TLN2: variants seen among roughly 807,000 people sequenced by gnomAD.
The protein encoded by TLN2 is talin 2.
In TLN2, 118 loss-of-function variants were observed where a neutral mutation model predicts 294.7. That is an observed-to-expected ratio of 0.40 (90% CI 0.34 to 0.47). The LOEUF is 0.47. Ranked by LOEUF, TLN2 falls within the 20% of genes least tolerant of loss-of-function variation. The probability of loss-of-function intolerance (pLI) is 0.84; values close to 1 mark genes in which losing one functional copy is unlikely to be tolerated. For missense variants in TLN2, 3,083 were observed against 3,282.2 expected, an observed-to-expected ratio of 0.94 and a Z score of 1.48; for synonymous variants, 1,431 against 1,304.5, an observed-to-expected ratio of 1.10 and a Z score of -2.09.
chr15:62,712,981 T>TA (rs200000332), intron 22 of TLN2, among the ~76,000 whole-genome samples: 6,386 of 152,136 alleles, frequency 0.042, 430 homozygotes, highest in African/African-American at 0.14. Flanking sequence ...ATAAGATTCA[T>TA]TAAGGCCAGG....
intron 1 of TLN2, among the ~76,000 whole-genome samples, chr15:62,481,097 G>A (rs1370328963): frequency 6.6e-6 from 1 of 152,166 alleles, no homozygotes; most frequent in African/African-American, 2.4e-5. Context: ...AGTCCATAGA[G>A]ACGTCTAATC....
intron 1 of TLN2, among the ~76,000 whole-genome samples, chr15:62,459,447 A>G (rs750193497): frequency 6.6e-6 from 1 of 152,110 alleles, no homozygotes; most frequent in Non-Finnish European, 1.5e-5. Context: ...CGATACCTGT[A>G]TACTATTCCT....
chr15:62,677,805 A>ATTTTTTTTTTTTTT (rs1555466874), intron 11 of TLN2, among the ~76,000 whole-genome samples: 2 of 11,144 alleles, frequency 1.8e-4, no homozygotes, highest in Non-Finnish European at 7.9e-4. Flanking sequence ...AGCACTTGCA[A>ATTTTTTTTTTTTTT]CTTTTTTTTT....
At chr15:62,685,284 G>A (rs2057184803) in intron 11 of TLN2, among the ~76,000 whole-genome samples, 1 of 151,882 alleles carries the variant, frequency 6.6e-6, no homozygotes, top group African/African-American at 2.4e-5. Flanking sequence ...ATAATGTAGG[G>A]TAATCTGTTA....
At chr15:62,581,556 T>A (rs985338675) in intron 1 of TLN2, among the ~76,000 whole-genome samples, 1 of 152,306 alleles carries the variant, frequency 6.6e-6, no homozygotes, top group Admixed American at 6.5e-5. Context: ...TTTGTGCTCT[T>A]AGGGTTCAGG....
At chr15:62,413,894 A>G (rs1279414938) in intron 1 of TLN2, among the ~76,000 whole-genome samples, 1 of 142,920 alleles carries the variant, frequency 7.0e-6, no homozygotes, top group Non-Finnish European at 1.5e-5. Flanking sequence ...GTGTATGCCT[A>G]TTTTATTTTT....
intron 3 of TLN2, among the ~76,000 whole-genome samples, chr15:62,646,153 CTCTTT>C (rs1235969984): frequency 1.5e-5 from 2 of 130,050 alleles, no homozygotes; most frequent in Non-Finnish European, 3.3e-5. Context: ...CTCGTCTCAT[CTCTTT>C]TCTTTTCTTT....
chr15:62,528,230 A>G (rs887866998), intron 1 of TLN2, among the ~76,000 whole-genome samples: 2 of 152,222 alleles, frequency 1.3e-5, no homozygotes, highest in Non-Finnish European at 2.9e-5. Context: ...AAACATATGT[A>G]ATCATTTCCT....
At chr15:62,608,509 T>C (rs1275312202) in intron 2 of TLN2, among the ~76,000 whole-genome samples, 1 of 152,014 alleles carries the variant, frequency 6.6e-6, no homozygotes, top group Non-Finnish European at 1.5e-5. Context: ...GGCAGTGTCG[T>C]AGAGTAGGAG....
At chr15:62,561,261 GT>G (rs1196468680) in intron 1 of TLN2, 1 of 152,168 alleles carries the variant, frequency 6.6e-6, no homozygotes, top group African/African-American at 2.4e-5. Flanking sequence ...GGGAAGCAGG[GT>G]TCTACAGTCC....
At chr15:62,409,674 A>C (rs990482753) in intron 1 of TLN2, among the ~76,000 whole-genome samples, 2 of 152,012 alleles carry the variant, frequency 1.3e-5, no homozygotes, top group African/African-American at 4.8e-5. Flanking sequence ...CTGCACAGGT[A>C]GTTAGGAATG....
chr15:62,522,309 C>T (rs1031940481), intron 1 of TLN2, among the ~76,000 whole-genome samples: 1 of 152,180 alleles, frequency 6.6e-6, no homozygotes, highest in Non-Finnish European at 1.5e-5. Flanking sequence ...GAATCTGTGT[C>T]AGTAAATCCT....
chr15:62,757,321 G>A (rs555086768), intron 37 of TLN2, among the ~76,000 whole-genome samples: 1 of 152,326 alleles, frequency 6.6e-6, no homozygotes, highest in South Asian at 2.1e-4. Flanking sequence ...AGACCTTGCT[G>A]TGTTTGCAGG....
intron 1 of TLN2, among the ~76,000 whole-genome samples, chr15:62,541,437 G>GT (rs2140522885): frequency 6.6e-6 from 1 of 152,294 alleles, no homozygotes; most frequent in South Asian, 2.1e-4. Flanking sequence ...ATTTTGGACA[G>GT]TTTAGCTTTT....
chr15:62,697,856 C>T lies in TLN2; in HGVS notation c.1461C>T (p.His487=). 1 of 1,612,178 alleles carries T rather than the reference C, an allele frequency of 6.2e-7. No individual in the cohort carries two copies. The highest frequency in any genetic ancestry group is 8.5e-7 in the Non-Finnish European group (1 of 1,179,692). Reference sequence around the variant, plus strand: ...TGGTTGGGCAGATGCACCGAGGCCACATGCCGCCACTGGTGAGGCTTCCTG... The same window carrying T: ...TGGTTGGGCAGATGCACCGAGGCCATATGCCGCCACTGGTGAGGCTTCCTG... ...QVMVGQMHRG[H]MPPLTSAQQA... Residue 487 remains histidine (H), a synonymous_variant, in exon 15 of 59, where the codon CAC becomes CAT. Transcript: ENST00000636159.
chr15:62,680,083 A>G (rs898893106), intron 11 of TLN2, among the ~76,000 whole-genome samples: 4 of 152,230 alleles, frequency 2.6e-5, no homozygotes, highest in African/African-American at 9.6e-5. Flanking sequence ...TTAGCTATAA[A>G]GTAAGCCCTA....
chr15:62,729,993 C>T (rs1438668382), intron 28 of TLN2, among the ~76,000 whole-genome samples: 2 of 147,020 alleles, frequency 1.4e-5, no homozygotes, highest in African/African-American at 2.5e-5. Context: ...GACATGTTAA[C>T]TTCATTTACC....
chr15:62,447,892 C>T (rs552510045), intron 1 of TLN2, among the ~76,000 whole-genome samples: 2 of 152,266 alleles, frequency 1.3e-5, no homozygotes, highest in East Asian at 1.9e-4. Context: ...CATTACAAGC[C>T]AATTCGTAGG....
Position 62,639,230 on chromosome 15 carries a change from G to GATCTAT in TLN2, c.-36-8020_-36-8015dup, listed in dbSNP as rs58437592. ...AATATATTCCTGACACTAGGTTATA[G>GATCTAT]ATCTATATCTATATCTATATCTATA... On this transcript the variant is annotated intron_variant, in intron 3 of 58. Coordinates refer to ENST00000636159, the MANE Select transcript of TLN2 (RefSeq NM_015059.3). 2.3e-3 allele frequency among the ~76,000 whole-genome samples: 192 copies of GATCTAT among 83,528 alleles called. 2 individuals carry two copies. The highest frequency in any genetic ancestry group is 9.3e-3 in the African/African-American group (177 of 18,998). 54.8% of individuals were successfully genotyped at this position (83,528 alleles called of 152,430 possible).
Sources: allele counts gnomAD v4.1 joint callset (sites outside exome capture counted in the v4.1 genomes callset), GRCh38; gene constraint gnomAD v4.1.1; transcripts MANE v1.5; gene names NCBI Gene and HGNC (gene_info 2026-07-23, HGNC 2026-07-21).